Variants in ASIC2 observed in about 807,000 individuals in gnomAD.
The protein encoded by ASIC2 is acid-sensing ion channel 2.
In ASIC2, 25 loss-of-function variants were observed where a neutral mutation model predicts 57.3. The observed-to-expected ratio is 0.44, with a 90% CI of 0.32 to 0.61. The LOEUF (loss-of-function observed/expected upper bound fraction) is 0.61. Among genes scored for constraint, ASIC2 ranks in the 20% least tolerant of loss-of-function variants. The probability of loss-of-function intolerance (pLI) is 0.06; values close to 1 mark genes in which losing one functional copy is unlikely to be tolerated. For missense variants in ASIC2, 641 were observed against 738.1 expected, an observed-to-expected ratio of 0.87 and a Z score of 1.52; for synonymous variants, 319 against 307.5, an observed-to-expected ratio of 1.04 and a Z score of -0.39.
Position 33,552,443 on chromosome 17 carries a change from C to T in ASIC2, c.556-440376G>A, listed in dbSNP as rs185885239. On this transcript the variant is annotated intron_variant, in intron 1 of 9. Coordinates refer to the ASIC2 transcript ENST00000359872. ...ATGCTTTTTGCACTGATTTTTCTCT[C>T]CTGAAACCATGAAATGGGAGGTAGC... Among the ~76,000 whole-genome samples, 11 of 152,290 alleles carry T rather than the reference C, an allele frequency of 7.2e-5. No homozygotes were observed. In the East Asian group the frequency reaches 1.7e-3, roughly 24 times the overall value.
intron 1 of ASIC2, among the ~76,000 whole-genome samples, chr17:34,031,894 C>A (rs1444437820): frequency 6.6e-6 from 1 of 152,198 alleles, no homozygotes; most frequent in African/African-American, 2.4e-5. Context: ...GATTGATTTA[C>A]CTGAAAGTGA....
intron 1 of ASIC2, among the ~76,000 whole-genome samples, chr17:33,546,028 C>A (rs1251832873): frequency 6.6e-6 from 1 of 151,922 alleles, no homozygotes; most frequent in Non-Finnish European, 1.5e-5. Flanking sequence ...CTATTGAAGG[C>A]TGTTCATAGA....
rs1305866575 is a variant in ASIC2 at position 34,082,982 on chromosome 17, TG to T, written c.555+72995del. Among the ~76,000 whole-genome samples the T allele has an allele frequency of 5.3e-5, 8 of 152,182 alleles. No homozygotes were observed. The South Asian group carries it at 1.2e-3, about 24-fold the overall frequency. ...CTTTGTATAGTCCATACTCACAGCA[TG>T]CATTTATTTGTTCTTGTTTTTTTTT... On this transcript the variant is annotated intron_variant, in intron 1 of 9. Transcript: ENST00000359872.
At chr17:33,619,876 A>T (rs1188345911) in intron 1 of ASIC2, among the ~76,000 whole-genome samples, 2 of 152,188 alleles carry the variant, frequency 1.3e-5, no homozygotes. Flanking sequence ...TGTTCTTTCA[A>T]GGTAGAGGTG....
chr17:34,040,390 T>A (rs1006208479), intron 1 of ASIC2, among the ~76,000 whole-genome samples: 2 of 56,094 alleles, frequency 3.6e-5, no homozygotes, highest in African/African-American at 1.2e-4. Flanking sequence ...TTTGCACGGC[T>A]GGGAGGCAGG....
At chr17:33,228,129 C>T (rs1373969492) in intron 1 of ASIC2, among the ~76,000 whole-genome samples, 1 of 152,168 alleles carries the variant, frequency 6.6e-6, no homozygotes, top group Non-Finnish European at 1.5e-5. Flanking sequence ...TTGGACAGAG[C>T]TAGAAAGCCT....
At chr17:33,040,536 A>G (rs116233426) in intron 3 of ASIC2, among the ~76,000 whole-genome samples, 1 of 152,342 alleles carries the variant, frequency 6.6e-6, no homozygotes, top group African/African-American at 2.4e-5. Context: ...ACTGCCATCC[A>G]GGACAGATGG....
At chr17:33,825,405 C>T (rs1912875510) in intron 1 of ASIC2, among the ~76,000 whole-genome samples, 1 of 152,064 alleles carries the variant, frequency 6.6e-6, no homozygotes, top group Non-Finnish European at 1.5e-5. Flanking sequence ...CCCCTCTGAG[C>T]CAGAGACAGA....
At chr17:33,577,981 T>C (rs1305516243) in intron 1 of ASIC2, among the ~76,000 whole-genome samples, 1 of 151,976 alleles carries the variant, frequency 6.6e-6, no homozygotes, top group Non-Finnish European at 1.5e-5. Flanking sequence ...TTCTGTTGCT[T>C]ACTTGGGCTT....
chr17:33,937,904 T>A (rs776910229), intron 1 of ASIC2, among the ~76,000 whole-genome samples: 6 of 152,242 alleles, frequency 3.9e-5, no homozygotes, highest in Non-Finnish European at 5.9e-5. Context: ...GCTGGCAATT[T>A]CTGTCCTTTG....
Position 33,553,812 on chromosome 17 carries a change from C to T in ASIC2, c.556-441745G>A, listed in dbSNP as rs6505351. ...GGTGATGGAGAAGCTTAGGCTAAGA[C>T]AGATAAAATAACTTATTCTAATGTC... is the stretch of plus-strand genomic sequence containing the variant. On this transcript the variant is annotated intron_variant, in intron 1 of 9. Transcript: ENST00000359872. 2.6e-5 allele frequency among the ~76,000 whole-genome samples: 4 copies of T among 152,040 alleles called. No individual in the cohort carries two copies. In the South Asian group the frequency reaches 6.2e-4, roughly 24 times the overall value.
At chr17:33,123,923 C>T (rs893616313) in intron 1 of ASIC2, among the ~76,000 whole-genome samples, 19 of 152,152 alleles carry the variant, frequency 1.2e-4, no homozygotes, top group East Asian at 1.2e-3. Flanking sequence ...GTTAATTTTG[C>T]GTTATTCTAC....
intron 1 of ASIC2, among the ~76,000 whole-genome samples, chr17:33,643,469 T>TATAG (rs1320078535): frequency 4.6e-5 from 7 of 152,328 alleles, no homozygotes; most frequent in African/African-American, 1.7e-4. Context: ...ATTTTCAACA[T>TATAG]ATAGTCACAG....
At chr17:33,655,198 A>G (rs1907041176) in intron 1 of ASIC2, among the ~76,000 whole-genome samples, 1 of 152,230 alleles carries the variant, frequency 6.6e-6, no homozygotes, top group Non-Finnish European at 1.5e-5. Context: ...CTTCTGCTCT[A>G]CAGACCTCAA....
chr17:34,084,747 AG>A (rs1910034549), intron 1 of ASIC2, among the ~76,000 whole-genome samples: 1 of 152,118 alleles, frequency 6.6e-6, no homozygotes, highest in African/African-American at 2.4e-5. Flanking sequence ...CTCCTTGAAG[AG>A]GTCCTTTACG....
chr17:33,764,059 C>T (rs1192428191), intron 1 of ASIC2, among the ~76,000 whole-genome samples: 7 of 152,120 alleles, frequency 4.6e-5, no homozygotes, highest in South Asian at 2.1e-4. Context: ...TTTGGGAGGC[C>T]GAGGCAGGCG....
chr17:33,137,206 C>T (rs1442015875), intron 1 of ASIC2, among the ~76,000 whole-genome samples: 1 of 152,196 alleles, frequency 6.6e-6, no homozygotes, highest in African/African-American at 2.4e-5. Context: ...CTATGAGATG[C>T]TTAAAGGAAG....
At chr17:33,412,016 C>T (rs1910678860) in intron 1 of ASIC2, among the ~76,000 whole-genome samples, 1 of 151,694 alleles carries the variant, frequency 6.6e-6, no homozygotes, top group African/African-American at 2.4e-5. Context: ...AAGAAAAATG[C>T]AAACAAAACA....
At chr17:33,387,340 C>G (rs752562511) in intron 1 of ASIC2, among the ~76,000 whole-genome samples, 2 of 152,244 alleles carry the variant, frequency 1.3e-5, no homozygotes, top group Non-Finnish European at 1.5e-5. Context: ...CCTTGCGGAA[C>G]AAGCCAAGTG....
Sources: allele counts gnomAD v4.1 joint callset (sites outside exome capture counted in the v4.1 genomes callset), GRCh38; gene constraint gnomAD v4.1.1; transcripts MANE v1.5; gene names NCBI Gene and HGNC (gene_info 2026-07-23, HGNC 2026-07-21).